Variants in BCAT1 observed in about 807,000 individuals in gnomAD.
BCAT1 encodes the protein branched-chain-amino-acid aminotransferase, cytosolic.
Under a neutral mutation model 52.4 loss-of-function variants are expected in BCAT1, and 48 were observed. That is an observed-to-expected ratio of 0.92 (90% confidence interval 0.73 to 1.16). BCAT1 has a LOEUF of 1.16. Among genes scored for constraint, BCAT1 ranks in the 50% most tolerant of loss-of-function variants. The pLI is 0.00. For missense variants in BCAT1, 451 were observed against 457.1 expected (o/e 0.99, Z 0.12); for synonymous variants, 167 against 161.3 (o/e 1.04, Z -0.27).
intron 1 of BCAT1, among the ~76,000 whole-genome samples, chr12:24,916,997 T>C (rs1026886091): frequency 6.6e-6 from 1 of 152,102 alleles, no homozygotes; most frequent in African/African-American, 2.4e-5. Context: ...CTGTAAGCTA[T>C]AAATAGCTCA....
At chr12:24,919,842 A>G (rs547414503) in intron 1 of BCAT1, among the ~76,000 whole-genome samples, 2 of 152,318 alleles carry the variant, frequency 1.3e-5, no homozygotes, top group African/African-American at 4.8e-5. Flanking sequence ...TTTCTGTGGT[A>G]GTGAATAATT....
chr12:24,943,787 T>C (rs7136436), intron 1 of BCAT1, among the ~76,000 whole-genome samples: 1 of 151,648 alleles, frequency 6.6e-6, no homozygotes, highest in Non-Finnish European at 1.5e-5. Context: ...GATCAAGACC[T>C]TCCTGGCTAA....
chr12:24,831,124 C>T (rs143106412), intron 9 of BCAT1, among the ~76,000 whole-genome samples: 95 of 152,306 alleles, frequency 6.2e-4, no homozygotes, highest in African/African-American at 2.1e-3. Context: ...TCCTCCTCAG[C>T]CTACTCAACA....
At chr12:24,857,048 T>C (rs1351379980) in intron 5 of BCAT1, among the ~76,000 whole-genome samples, 1 of 152,162 alleles carries the variant, frequency 6.6e-6, no homozygotes, top group African/African-American at 2.4e-5. Flanking sequence ...CTAGGCTCCT[T>C]CTCGGAGGAG....
intron 6 of BCAT1, among the ~76,000 whole-genome samples, chr12:24,848,293 A>C (rs10160847): frequency 0.24 from 35,846 of 152,016 alleles, 4,267 homozygotes; most frequent in Non-Finnish European, 0.24. Context: ...CCCTTCCCGA[A>C]CACCCTCTCA....
At chr12:24,882,583 ATTT>A (rs1942533894) in intron 3 of BCAT1, among the ~76,000 whole-genome samples, 1 of 148,956 alleles carries the variant, frequency 6.7e-6, no homozygotes, top group South Asian at 2.1e-4. Flanking sequence ...CAAATACTTT[ATTT>A]TTTATTATTT....
chr12:24,813,865 G>T lies in BCAT1; in HGVS notation c.*4143C>A, dbSNP rs1330070112. On this transcript the variant is annotated 3_prime_UTR_variant, in exon 11 of 11. Coordinates refer to ENST00000261192, the MANE Select transcript of BCAT1 (RefSeq NM_005504.7). ...AACTATGCTTTTATAGCTACAATCAGTTCAAGTAGTAGAATACAAACTCCA... is the reference window on the plus strand; with the variant it reads ...AACTATGCTTTTATAGCTACAATCATTTCAAGTAGTAGAATACAAACTCCA... The T allele has an allele frequency of 6.6e-6, 1 of 152,068 alleles. No individual in the cohort carries two copies. The allele number at this position is 152,068 out of a possible 1,614,324, so 9.4% of individuals were successfully genotyped here.
At chr12:24,882,195 A>G (rs1245467251) in intron 3 of BCAT1, among the ~76,000 whole-genome samples, 2 of 152,246 alleles carry the variant, frequency 1.3e-5, no homozygotes, top group Non-Finnish European at 2.9e-5. Context: ...TAGAATTCAC[A>G]TATTTTCCAA....
At chr12:24,844,894 CAAAA>C (rs11318750) in intron 6 of BCAT1, among the ~76,000 whole-genome samples, 16 of 36,000 alleles carry the variant, frequency 4.4e-4, no homozygotes, top group Middle Eastern at 0.045. Context: ...GAGACTGTCT[CAAAA>C]AAAAAAAAAA....
At chr12:24,869,979 A>AGG (rs1366358151) in intron 5 of BCAT1, among the ~76,000 whole-genome samples, 1 of 150,480 alleles carries the variant, frequency 6.6e-6, no homozygotes, top group Non-Finnish European at 1.5e-5. Context: ...AACACATGTA[A>AGG]GGGTGTGTGT....
chr12:24,900,050 GT>G (rs1199327208), intron 2 of BCAT1, among the ~76,000 whole-genome samples: 1 of 152,042 alleles, frequency 6.6e-6, no homozygotes, highest in Non-Finnish European at 1.5e-5. Flanking sequence ...TATTTTGTTT[GT>G]TTGTTTGTTT....
chr12:24,813,224 T>C lies in BCAT1; in HGVS notation c.*4784A>G, dbSNP rs1220144608. ...ATTATCAACCTCCCCAAATTAAACATCTGACAAGTCTTTTATATATGTATG... is the reference window on the plus strand; with the variant it reads ...ATTATCAACCTCCCCAAATTAAACACCTGACAAGTCTTTTATATATGTATG... On this transcript the variant is annotated 3_prime_UTR_variant, in exon 11 of 11. Transcript: ENST00000261192. 1 of 152,010 alleles carries C rather than the reference T, an allele frequency of 6.6e-6. No individual in the cohort carries two copies. The highest frequency in any genetic ancestry group is 1.5e-5 in the Non-Finnish European group (1 of 67,890). 9.4% of individuals were successfully genotyped at this position (152,010 alleles called of 1,614,324 possible).
intron 1 of BCAT1, among the ~76,000 whole-genome samples, chr12:24,925,485 T>C (rs1050898769): frequency 2.6e-5 from 4 of 152,180 alleles, no homozygotes; most frequent in Admixed American, 2.6e-4. Context: ...AATATAGATA[T>C]AGATATGCCC....
At chr12:24,859,073 C>T (rs1355379757) in intron 5 of BCAT1, among the ~76,000 whole-genome samples, 1 of 152,124 alleles carries the variant, frequency 6.6e-6, no homozygotes, top group African/African-American at 2.4e-5. Flanking sequence ...TAAAGGACTA[C>T]AAAAGGTTTA....
intron 2 of BCAT1, among the ~76,000 whole-genome samples, chr12:24,894,854 C>CA (rs2139654336): frequency 6.6e-6 from 1 of 152,308 alleles, no homozygotes; most frequent in African/African-American, 2.4e-5. Flanking sequence ...TGGCAACACT[C>CA]ACAATGATTT....
chr12:24,862,565 C>G (rs939556627), intron 5 of BCAT1, among the ~76,000 whole-genome samples: 2 of 152,162 alleles, frequency 1.3e-5, no homozygotes, highest in African/African-American at 4.8e-5. Context: ...GGCTCCACCC[C>G]AAAGTGACTT....
At chr12:24,868,290 C>T (rs117629949) in intron 5 of BCAT1, among the ~76,000 whole-genome samples, 2,286 of 151,882 alleles carry the variant, frequency 0.015, 27 homozygotes, top group South Asian at 0.028. Flanking sequence ...AAATTCAGTA[C>T]GGTACATATG....
intron 6 of BCAT1, among the ~76,000 whole-genome samples, chr12:24,847,899 A>C (rs192718192): frequency 3.4e-4 from 52 of 152,234 alleles, no homozygotes; most frequent in African/African-American, 5.1e-4. Flanking sequence ...AGATGTAATA[A>C]TACACAAAAC....
intron 1 of BCAT1, among the ~76,000 whole-genome samples, chr12:24,923,583 T>C (rs917763828): frequency 2.4e-4 from 36 of 152,276 alleles, no homozygotes; most frequent in African/African-American, 8.7e-4. Context: ...ATTTTTTGTT[T>C]GTTTTTTGTA....
Sources: allele counts gnomAD v4.1 joint callset (sites outside exome capture counted in the v4.1 genomes callset), GRCh38; gene constraint gnomAD v4.1.1; transcripts MANE v1.5; gene names NCBI Gene and HGNC (gene_info 2026-07-23, HGNC 2026-07-21).